The following CAMTA1 variants were observed in gnomAD, a reference collection of about 807,000 sequenced individuals.
CAMTA1 encodes the protein calmodulin-binding transcription activator 1.
CAMTA1 carries 27 observed loss-of-function variants against 170.9 expected under a neutral mutation model. That is an observed-to-expected ratio of 0.16 (90% CI 0.12 to 0.22). The LOEUF is 0.22. Ranked by LOEUF, CAMTA1 falls within the 10% of genes least tolerant of loss-of-function variation. The probability of loss-of-function intolerance (pLI) is 1.00; values close to 1 mark genes in which losing one functional copy is unlikely to be tolerated. For synonymous variants in CAMTA1, 833 were observed against 891.5 expected, an observed-to-expected ratio of 0.93 and a Z score of 1.17; for missense variants, 1,619 against 2,217.2, an observed-to-expected ratio of 0.73 and a Z score of 5.42.
intron 3 of CAMTA1, among the ~76,000 whole-genome samples, chr1:6,964,043 C>T (rs369900332): frequency 4.6e-5 from 7 of 151,836 alleles, no homozygotes; most frequent in African/African-American, 1.5e-4. Flanking sequence ...TCCTGAGTGC[C>T]TGGGTAGGAT....
intron 1 of CAMTA1, among the ~76,000 whole-genome samples, chr1:6,815,498 C>T (rs113289372): frequency 0.017 from 2,522 of 152,298 alleles, 29 homozygotes; most frequent in South Asian, 0.033. Flanking sequence ...GCCACCATGC[C>T]CAGCCTTCTT....
chr1:7,121,549 A>G (rs1644641932), intron 4 of CAMTA1, among the ~76,000 whole-genome samples: 1 of 152,160 alleles, frequency 6.6e-6, no homozygotes, highest in Non-Finnish European at 1.5e-5. Flanking sequence ...ATAACAGGAG[A>G]GCTGTGATAA....
chr1:7,130,566 T>C (rs1645190479), intron 4 of CAMTA1, among the ~76,000 whole-genome samples: 1 of 152,222 alleles, frequency 6.6e-6, no homozygotes, highest in African/African-American at 2.4e-5. Flanking sequence ...TCATTTTACT[T>C]TTCTTCCAGC....
At chr1:7,491,060 G>A (rs1026543202) in intron 6 of CAMTA1, among the ~76,000 whole-genome samples, 3 of 152,148 alleles carry the variant, frequency 2.0e-5, no homozygotes, top group African/African-American at 7.2e-5. Context: ...ATAACCTAAT[G>A]AAACTCCTTC....
intron 4 of CAMTA1, among the ~76,000 whole-genome samples, chr1:7,114,471 CA>C (rs1644248240): frequency 6.7e-6 from 1 of 150,374 alleles, no homozygotes; most frequent in African/African-American, 2.5e-5. Context: ...AAGAGAATCA[CA>C]AAAAAACTCA....
At chr1:6,874,058 C>T (rs113612014) in intron 3 of CAMTA1, 1 of 152,246 alleles carries the variant, frequency 6.6e-6, no homozygotes, top group Non-Finnish European at 1.5e-5. Flanking sequence ...ATCGATGCTA[C>T]TTCTGTTTTA....
chr1:7,584,909 C>T (rs559386015), intron 6 of CAMTA1, among the ~76,000 whole-genome samples: 3 of 152,144 alleles, frequency 2.0e-5, no homozygotes, highest in Admixed American at 6.5e-5. Context: ...ATCCGGCCTA[C>T]GACGCCAGTA....
chr1:7,273,149 G>A (rs1670097878), intron 5 of CAMTA1, among the ~76,000 whole-genome samples: 1 of 152,184 alleles, frequency 6.6e-6, no homozygotes, highest in African/African-American at 2.4e-5. Flanking sequence ...CACTGCTGAT[G>A]GTGATCCAAA....
At chr1:6,904,962 T>C (rs560725466) in intron 3 of CAMTA1, among the ~76,000 whole-genome samples, 7 of 152,068 alleles carry the variant, frequency 4.6e-5, no homozygotes, top group Non-Finnish European at 2.9e-5. Context: ...ACATTCTTTC[T>C]CCAACAGGTT....
At chr1:7,259,319 C>T (rs1428214122) in intron 5 of CAMTA1, among the ~76,000 whole-genome samples, 2 of 152,172 alleles carry the variant, frequency 1.3e-5, no homozygotes, top group African/African-American at 4.8e-5. Context: ...TTGTAACTCG[C>T]GCAAAACCTG....
intron 4 of CAMTA1, among the ~76,000 whole-genome samples, chr1:7,193,648 G>C (rs2148962458): frequency 6.6e-6 from 1 of 152,268 alleles, no homozygotes; most frequent in East Asian, 1.9e-4. Context: ...CCCACCTGCA[G>C]AAGGGGGTGC....
rs757508570 is a variant in CAMTA1, at chr1:7,010,305, G to C, written c.235-80999G>C. Among the ~76,000 whole-genome samples, 1 of 152,130 alleles carries C rather than the reference G, an allele frequency of 6.6e-6. No homozygotes were observed. The highest frequency in any genetic ancestry group is 1.5e-5 in the Non-Finnish European group (1 of 68,030). Reference sequence around the variant, plus strand: ...CTCCTGGGCCGCCCCCTCACTCGGCGTCCAGTGCTCAGGCCTCTGGGCTCT... The same window carrying C: ...CTCCTGGGCCGCCCCCTCACTCGGCCTCCAGTGCTCAGGCCTCTGGGCTCT... On this transcript the variant is annotated intron_variant, in intron 3 of 22. Transcript: ENST00000303635. This position sits in a 1 kb window ranked among gnomAD's most constrained non-coding sequence, Gnocchi z 4.4.
At chr1:7,043,957 A>G (rs1050913613) in intron 3 of CAMTA1, among the ~76,000 whole-genome samples, 6 of 152,186 alleles carry the variant, frequency 3.9e-5, no homozygotes, top group Non-Finnish European at 7.4e-5. Context: ...TTCTGGATGC[A>G]GGAGCTCACA....
intron 1 of CAMTA1, among the ~76,000 whole-genome samples, chr1:6,793,600 C>T (rs974335258): frequency 6.6e-6 from 1 of 152,196 alleles, no homozygotes; most frequent in Non-Finnish European, 1.5e-5. Flanking sequence ...ATAAGGGATA[C>T]ATCAGATGTT....
rs1040231602 is a variant in CAMTA1 at position 7,587,961 on chromosome 1, C to A, written c.511-52439C>A. 2.6e-5 allele frequency among the ~76,000 whole-genome samples: 4 copies of A among 152,286 alleles called. No homozygotes were observed. The South Asian group carries it at 8.3e-4, about 32-fold the overall frequency. On this transcript the variant is annotated intron_variant, in intron 6 of 22. Transcript: ENST00000303635. ...CCGCCTCCCTCGGCCCAGATGGCAGCTGTAGCTTCTGGGAGAACAGGTCCT... is the reference window on the plus strand; with the variant it reads ...CCGCCTCCCTCGGCCCAGATGGCAGATGTAGCTTCTGGGAGAACAGGTCCT...
intron 5 of CAMTA1, among the ~76,000 whole-genome samples, chr1:7,346,436 A>G (rs2084224522): frequency 6.6e-6 from 1 of 152,178 alleles, no homozygotes; most frequent in Non-Finnish European, 1.5e-5. Context: ...AACTACAGCA[A>G]GAAAAGGCCC....
rs143946909 is a variant in CAMTA1, at chr1:7,569,514, T to A, written c.511-70886T>A. On this transcript the variant is annotated intron_variant, in intron 6 of 22. Transcript: ENST00000303635. Reference sequence around the variant, plus strand: ...TATCACCATCATCATATGATTACCATTACCTTCATCATTCTCCAACATCAT... The same window carrying A: ...TATCACCATCATCATATGATTACCAATACCTTCATCATTCTCCAACATCAT... 2.9e-3 allele frequency among the ~76,000 whole-genome samples: 432 copies of A among 149,328 alleles called. 1 individual carries two copies. Among genetic ancestry groups the A allele is most frequent in the Non-Finnish European group, 4.9e-3 (332 of 67,574 alleles).
Position 7,173,157 on chromosome 1 carries a change from C to T in CAMTA1, c.303-76334C>T, listed in dbSNP as rs920156827. Reference sequence around the variant, plus strand: ...GAGAGACAGAAAGAGCCTTTGGCTGCCCTCTGTCCTCTTGAGGGTCACTAT... The same window carrying T: ...GAGAGACAGAAAGAGCCTTTGGCTGTCCTCTGTCCTCTTGAGGGTCACTAT... On this transcript the variant is annotated intron_variant, in intron 4 of 22. Coordinates refer to ENST00000303635, the MANE Select transcript of CAMTA1 (RefSeq NM_015215.4). This position sits in a 1 kb window ranked among gnomAD's most constrained non-coding sequence, Gnocchi z 5.4. 3.9e-5 allele frequency among the ~76,000 whole-genome samples: 6 copies of T among 152,198 alleles called. No homozygotes were observed. The highest frequency in any genetic ancestry group is 1.4e-4 in the African/African-American group (6 of 41,452).
rs1246135657 is a variant in CAMTA1 at position 7,275,162 on chromosome 1, AAGAAG to A, written c.438+25538_438+25542del. 1.3e-3 allele frequency among the ~76,000 whole-genome samples: 188 copies of A among 150,144 alleles called. 3 individuals are homozygous for A. The highest frequency in any genetic ancestry group is 4.4e-3 in the African/African-American group (181 of 40,892). ...ATTCCATCTCAAAAAAAAAAAAAAA[AAGAAG>A]AAAGAAAATATTTTGAAATGAATGA... On this transcript the variant is annotated intron_variant, in intron 5 of 22. Coordinates refer to ENST00000303635, the MANE Select transcript of CAMTA1 (RefSeq NM_015215.4).
Sources: allele counts gnomAD v4.1 joint callset (sites outside exome capture counted in the v4.1 genomes callset), GRCh38; gene constraint gnomAD v4.1.1; non-coding constraint Gnocchi (gnomAD v3.1); transcripts MANE v1.5; gene names NCBI Gene and HGNC (gene_info 2026-07-23, HGNC 2026-07-21).